The following MAPKAPK3 variants were observed in gnomAD, a reference collection of about 807,000 sequenced individuals.
MAPKAPK3 encodes the protein MAPK activated protein kinase 3.
A neutral mutation model predicts 49.2 loss-of-function variants in MAPKAPK3; 35 were observed. The ratio of observed to expected loss-of-function variants is 0.71; its 90% CI spans 0.54 to 0.94. MAPKAPK3 has a LOEUF of 0.94. Among genes scored for constraint, MAPKAPK3 ranks in the 40% least tolerant of loss-of-function variants. The pLI is 0.00. For synonymous variants in MAPKAPK3, 178 were observed against 188.7 expected (o/e 0.94, Z 0.46); for missense variants, 398 against 493.1 (o/e 0.81, Z 1.83).
rs553686341 is a variant in MAPKAPK3 at position 50,625,748 on chromosome 3, G to A, written c.219+7964G>A. On this transcript the variant is annotated intron_variant, in intron 2 of 10. Transcript: ENST00000621469. ...TTTCTCCTGCTATCGCTCTGTCCCC[G>A]CTCTCCCGGGCCTTGCCAGTTTGCC... Among the ~76,000 whole-genome samples, 10 of 152,072 alleles carry A rather than the reference G, an allele frequency of 6.6e-5. No individual in the cohort carries two copies. In the South Asian group the frequency reaches 8.3e-4, roughly 13 times the overall value.
At chr3:50,627,504 C>T (rs565668356) in intron 2 of MAPKAPK3, among the ~76,000 whole-genome samples, 4 of 152,300 alleles carry the variant, frequency 2.6e-5, no homozygotes, top group African/African-American at 9.6e-5. Context: ...GGTTATGACT[C>T]AGGTTTGGAG....
At chr3:50,615,817 A>T (rs1575991609), upstream of MAPKAPK3, among the ~76,000 whole-genome samples, 1 of 152,206 alleles carries the variant, frequency 6.6e-6, no homozygotes, top group South Asian at 2.1e-4. Flanking sequence ...CAGAGCCCCA[A>T]CCCCATCTCC....
chr3:50,625,038 C>T lies in MAPKAPK3; in HGVS notation c.219+7254C>T, dbSNP rs538092116. On this transcript the variant is annotated intron_variant, in intron 2 of 10. Coordinates refer to ENST00000621469, the MANE Select transcript of MAPKAPK3 (RefSeq NM_001243925.2). ...GGGGTTGAGAGAGGAACAGTGCTCTCGGCTTAAAATGCTTTCTGTGACATT... is the reference window on the plus strand; with the variant it reads ...GGGGTTGAGAGAGGAACAGTGCTCTTGGCTTAAAATGCTTTCTGTGACATT... 5.9e-5 allele frequency among the ~76,000 whole-genome samples: 9 copies of T among 152,266 alleles called. 1 individual carries two copies. Among genetic ancestry groups the T allele is most frequent in the Admixed American group, 2.0e-4 (3 of 15,298 alleles).
At chr3:50,622,007 G>C (rs1439414514) in intron 2 of MAPKAPK3, among the ~76,000 whole-genome samples, 1 of 152,136 alleles carries the variant, frequency 6.6e-6, no homozygotes, top group Non-Finnish European at 1.5e-5. Flanking sequence ...GAGTCCTCTG[G>C]GTCAAGTCTT....
chr3:50,637,496 G>T (rs190992572), intron 2 of MAPKAPK3, among the ~76,000 whole-genome samples: 3 of 152,004 alleles, frequency 2.0e-5, no homozygotes, highest in Non-Finnish European at 4.4e-5. Context: ...ATAGCTGGGC[G>T]TGGTGGCGGG....
At chr3:50,621,421 G>A (rs1317118051) in intron 2 of MAPKAPK3, among the ~76,000 whole-genome samples, 4 of 152,002 alleles carry the variant, frequency 2.6e-5, no homozygotes, top group Non-Finnish European at 4.4e-5. Context: ...GCAAAACCTT[G>A]TCTCTACTAA....
In MAPKAPK3 at chr3:50,632,970, G is replaced by A. The variant is rs1233908240; in HGVS notation, c.220-7396G>A. Among the ~76,000 whole-genome samples the A allele has an allele frequency of 6.6e-5, 10 of 152,234 alleles. No homozygotes were observed. In the East Asian group the frequency reaches 1.7e-3, roughly 26 times the overall value. The stretch of plus-strand genomic sequence containing the variant: ...TGGGCGAGGAAGTGGCTGGAGGAGG[G>A]TGTTGGGGACTGGTTCCCAAGAGTC... On this transcript the variant is annotated intron_variant, in intron 2 of 10. Coordinates refer to ENST00000621469, the MANE Select transcript of MAPKAPK3 (RefSeq NM_001243925.2).
chr3:50,635,920 CAAAAAAAAA>C (rs748358137), intron 2 of MAPKAPK3, among the ~76,000 whole-genome samples: 17 of 73,518 alleles, frequency 2.3e-4, no homozygotes, highest in Admixed American at 2.0e-3. Context: ...CCGTCTCTAC[CAAAAAAAAA>C]AAAAAAAAAA....
chr3:50,625,631 T>C (rs1400128944), intron 2 of MAPKAPK3, among the ~76,000 whole-genome samples: 2 of 152,184 alleles, frequency 1.3e-5, no homozygotes, highest in African/African-American at 4.8e-5. Context: ...TTCTTTAGAC[T>C]AGGGCTTTGT....
chr3:50,627,308 G>A (rs531797279), intron 2 of MAPKAPK3, among the ~76,000 whole-genome samples: 24 of 152,100 alleles, frequency 1.6e-4, no homozygotes, highest in African/African-American at 4.8e-4. Context: ...CAGGCAGGTC[G>A]TGGGGGCCTG....
At chr3:50,643,990 C>A (rs1166336378) in intron 5 of MAPKAPK3, among the ~76,000 whole-genome samples, 1 of 152,170 alleles carries the variant, frequency 6.6e-6, no homozygotes, top group Non-Finnish European at 1.5e-5. Context: ...CCCTGAGCAA[C>A]CTCAGATGGG....
upstream of MAPKAPK3, among the ~76,000 whole-genome samples, chr3:50,615,758 T>C (rs544470837): frequency 2.0e-5 from 3 of 152,370 alleles, no homozygotes; most frequent in Admixed American, 2.0e-4. Flanking sequence ...TGGAGCCTCC[T>C]GCTTCACTGA....
chr3:50,629,710 T>C (rs1317350833), intron 2 of MAPKAPK3, among the ~76,000 whole-genome samples: 1 of 152,152 alleles, frequency 6.6e-6, no homozygotes, highest in Non-Finnish European at 1.5e-5. Flanking sequence ...TTCTTCCCTC[T>C]TCCTTCCTGG....
intron 5 of MAPKAPK3, 110 bp from the exon 6 acceptor site, chr3:50,644,299 G>A (rs2033239759): frequency 1.5e-6 from 2 of 1,298,692 alleles, no homozygotes. Context: ...AAATGGACCT[G>A]GCTCCTTCTG....
At chr3:50,632,350 A>G (rs2032935147) in intron 2 of MAPKAPK3, among the ~76,000 whole-genome samples, 1 of 152,230 alleles carries the variant, frequency 6.6e-6, no homozygotes, top group Non-Finnish European at 1.5e-5. Flanking sequence ...GTCCTCATTT[A>G]TAGTTATGAA....
chr3:50,644,667 G>A (rs543252975), intron 6 of MAPKAPK3, 135 bp downstream of exon 6: 3 of 919,870 alleles, frequency 3.3e-6, no homozygotes, highest in Non-Finnish European at 4.8e-6. Context: ...TCTGCATGGA[G>A]GCGGGTGACG....
chr3:50,643,798 T>TG (rs1230734386), intron 5 of MAPKAPK3, among the ~76,000 whole-genome samples: 1 of 152,012 alleles, frequency 6.6e-6, no homozygotes, highest in Admixed American at 6.6e-5. Flanking sequence ...CGGCTCTGCT[T>TG]GGGGGTCTCT....
At chr3:50,620,784 C>G (rs1024410067) in intron 2 of MAPKAPK3, among the ~76,000 whole-genome samples, 2 of 152,220 alleles carry the variant, frequency 1.3e-5, no homozygotes, top group East Asian at 1.9e-4. Flanking sequence ...TCATTGCTGT[C>G]CTCTTGGCAG....
upstream of MAPKAPK3, among the ~76,000 whole-genome samples, chr3:50,613,142 C>T (rs745743689): frequency 3.3e-5 from 5 of 152,154 alleles, no homozygotes; most frequent in Non-Finnish European, 7.4e-5. Flanking sequence ...ATCCCCCTCC[C>T]AGTGTGTGCC....
Sources: gnomAD v4.1 joint callset for allele counts (sites outside exome capture counted in the v4.1 genomes callset) on GRCh38, gnomAD v4.1.1 for gene constraint, MANE v1.5 for transcripts, NCBI Gene and HGNC (gene_info 2026-07-23, HGNC 2026-07-21) for gene names.